The following LGR6 variants were observed in gnomAD, a reference collection of about 807,000 sequenced individuals.
LGR6 encodes leucine-rich repeat-containing G protein-coupled receptor 6.
LGR6 carries 45 observed loss-of-function variants against 69.4 expected under a neutral mutation model. That is an observed-to-expected ratio of 0.65 (90% confidence interval 0.51 to 0.83). The LOEUF (loss-of-function observed/expected upper bound fraction) is 0.83, where lower values mean the gene tolerates loss of function less well. Among genes scored for constraint, LGR6 ranks in the 40% least tolerant of loss-of-function variants. The pLI, the probability that LGR6 is intolerant of heterozygous loss-of-function variation, is 0.00. For missense variants in LGR6, 1,108 were observed against 1,246.7 expected, an observed-to-expected ratio of 0.89 and a Z score of 1.68; for synonymous variants, 538 against 555.0, an observed-to-expected ratio of 0.97 and a Z score of 0.43.
intron 4 of LGR6, among the ~76,000 whole-genome samples, chr1:202,240,199 C>G (rs1162669803): frequency 1.3e-5 from 2 of 152,030 alleles, no homozygotes; most frequent in Non-Finnish European, 2.9e-5. Flanking sequence ...ATGGCAAAAC[C>G]CCGTCTCTAC....
At chr1:202,216,757 G>C (rs1239430901) in intron 1 of LGR6, among the ~76,000 whole-genome samples, 1 of 152,200 alleles carries the variant, frequency 6.6e-6, no homozygotes, top group Admixed American at 6.5e-5. Flanking sequence ...TGGGAGGCCT[G>C]GGTCCCTTTA....
intron 16 of LGR6, among the ~76,000 whole-genome samples, chr1:202,313,061 T>TAA (rs34777066): frequency 6.6e-6 from 1 of 151,466 alleles, no homozygotes. Context: ...ACCCCATCTC[T>TAA]AAAAAAATAC....
intron 4 of LGR6, among the ~76,000 whole-genome samples, chr1:202,271,419 T>G (rs1251229041): frequency 6.6e-6 from 1 of 151,868 alleles, no homozygotes; most frequent in African/African-American, 2.4e-5. Flanking sequence ...GGTGGGGAGA[T>G]AGTAAGAGGG....
At chr1:202,271,371 G>A (rs1457196318) in intron 4 of LGR6, among the ~76,000 whole-genome samples, 2 of 152,110 alleles carry the variant, frequency 1.3e-5, no homozygotes, top group Non-Finnish European at 2.9e-5. Flanking sequence ...AAAGGGTGGG[G>A]GAATTCTCCA....
At chr1:202,289,592 T>G (rs75047343) in intron 6 of LGR6, among the ~76,000 whole-genome samples, 114 of 152,356 alleles carry the variant, frequency 7.5e-4, no homozygotes, top group Admixed American at 4.0e-3. Flanking sequence ...TGGAAGCTAA[T>G]GACAGCTTTA....
At chr1:202,266,583 C>T (rs554325073) in intron 4 of LGR6, among the ~76,000 whole-genome samples, 2 of 151,518 alleles carry the variant, frequency 1.3e-5, no homozygotes, top group East Asian at 2.0e-4. Flanking sequence ...TACTACCTTT[C>T]GCATCTGACC....
chr1:202,251,961 A>G (rs767714004), intron 4 of LGR6, among the ~76,000 whole-genome samples: 9 of 151,858 alleles, frequency 5.9e-5, no homozygotes, highest in Non-Finnish European at 8.8e-5. Context: ...GAGGCAAACA[A>G]ATAGTCCCCG....
chr1:202,248,298 A>G (rs1466319850), intron 4 of LGR6, among the ~76,000 whole-genome samples: 1 of 152,222 alleles, frequency 6.6e-6, no homozygotes, highest in Non-Finnish European at 1.5e-5. Context: ...AGTGTCGCCC[A>G]GTGAATCAGT....
chr1:202,222,165 T>C (rs1439641694), intron 1 of LGR6, among the ~76,000 whole-genome samples: 1 of 152,198 alleles, frequency 6.6e-6, no homozygotes, highest in Non-Finnish European at 1.5e-5. Flanking sequence ...CTCCTCTTCC[T>C]TCCCCTTCCC....
intron 3 of LGR6, 97 bp downstream of exon 3, chr1:202,228,104 T>A: frequency 1.3e-6 from 1 of 754,950 alleles, no homozygotes; most frequent in South Asian, 1.8e-5. Context: ...TACCACTGAC[T>A]TGCTTATTAT....
intron 6 of LGR6, among the ~76,000 whole-genome samples, chr1:202,287,062 C>A (rs1273099786): frequency 6.6e-6 from 1 of 152,140 alleles, no homozygotes; most frequent in African/African-American, 2.4e-5. Flanking sequence ...GAAGCTTGGC[C>A]CACAGGTTCC....
intron 1 of LGR6, among the ~76,000 whole-genome samples, chr1:202,222,455 C>T (rs1268965070): frequency 6.6e-6 from 1 of 152,158 alleles, no homozygotes; most frequent in East Asian, 1.9e-4. Flanking sequence ...AGAGGCTCTG[C>T]GGCCCGGCCC....
rs778092115 is a variant in LGR6, at chr1:202,307,352, C to T, written c.1231C>T (p.Arg411Trp). Residue 411 changes from arginine to tryptophan, a missense_variant, in exon 14 of 18, where the codon CGG becomes TGG. Coordinates refer to ENST00000367278, the MANE Select transcript of LGR6 (RefSeq NM_001017403.2). ...CAGGGATCTTAGCTGGAACGCCATCCGGTCCATCCACCCCGAGGCCTTCTC... is the reference window on the plus strand; with the variant it reads ...CAGGGATCTTAGCTGGAACGCCATCTGGTCCATCCACCCCGAGGCCTTCTC... ...QALDLSWNAIRSIHPEAFSTL... is the reference protein window; with the variant it reads ...QALDLSWNAIWSIHPEAFSTL... The T allele has an allele frequency of 1.3e-5, 21 of 1,614,016 alleles. 1 individual carries two copies. In the South Asian group the frequency reaches 1.4e-4, roughly 11 times the overall value.
At chr1:202,302,749 G>A (rs1204897666) in intron 9 of LGR6, among the ~76,000 whole-genome samples, 1 of 152,178 alleles carries the variant, frequency 6.6e-6, no homozygotes, top group Admixed American at 6.5e-5. Context: ...GTTTCACCAT[G>A]TTGGCCAGGC....
intron 9 of LGR6, among the ~76,000 whole-genome samples, chr1:202,302,613 C>G (rs1305270635): frequency 6.6e-6 from 1 of 152,134 alleles, no homozygotes; most frequent in Non-Finnish European, 1.5e-5. Flanking sequence ...ATAGCGCAGT[C>G]TCAGCTCACT....
chr1:202,248,182 A>G (rs891273942), intron 4 of LGR6, among the ~76,000 whole-genome samples: 2 of 152,232 alleles, frequency 1.3e-5, no homozygotes, highest in African/African-American at 4.8e-5. Context: ...CTAAGACCAC[A>G]GGACCTTAGA....
intron 6 of LGR6, among the ~76,000 whole-genome samples, chr1:202,293,848 C>T (rs1666965202): frequency 6.6e-6 from 1 of 152,190 alleles, no homozygotes. Flanking sequence ...GTTCACATGC[C>T]TTTTACCATA....
intron 1 of LGR6, among the ~76,000 whole-genome samples, chr1:202,202,043 C>A (rs1056209086): frequency 1.6e-4 from 24 of 152,072 alleles, no homozygotes; most frequent in African/African-American, 5.8e-4. Flanking sequence ...GGTCCACAGG[C>A]ATTCAAGGGA....
At chr1:202,300,517 C>G (rs1482602947) in intron 7 of LGR6, among the ~76,000 whole-genome samples, 1 of 152,030 alleles carries the variant, frequency 6.6e-6, no homozygotes, top group Non-Finnish European at 1.5e-5. Flanking sequence ...TAGCGAGGTG[C>G]AGTGGCACAT....
Sources: gnomAD v4.1 joint callset for allele counts (sites outside exome capture counted in the v4.1 genomes callset) on GRCh38, gnomAD v4.1.1 for gene constraint, MANE v1.5 for transcripts, NCBI Gene and HGNC (gene_info 2026-07-23, HGNC 2026-07-21) for gene names.